Variants in MFHAS1 observed in about 807,000 individuals in gnomAD.
MFHAS1 encodes the protein malignant fibrous histiocytoma-amplified sequence 1.
In MFHAS1, 50 loss-of-function variants were observed where a neutral mutation model predicts 70.4. The ratio of observed to expected loss-of-function variants is 0.71; its 90% CI spans 0.57 to 0.90. The LOEUF is 0.90. MFHAS1 is among the 40% of genes least tolerant of loss of function. The probability of loss-of-function intolerance (pLI) is 0.00; values close to 1 mark genes in which losing one functional copy is unlikely to be tolerated. For synonymous variants in MFHAS1, 952 were observed against 620.0 expected, an observed-to-expected ratio of 1.54 and a Z score of -7.96; for missense variants, 1,795 against 1,347.6, an observed-to-expected ratio of 1.33 and a Z score of -5.20.
At chr8:8,882,801 G>T (rs115598126) in intron 1 of MFHAS1, among the ~76,000 whole-genome samples, 297 of 152,214 alleles carry the variant, frequency 2.0e-3, no homozygotes, top group African/African-American at 6.2e-3. Flanking sequence ...AAGGCTGCCA[G>T]CCCCCAGAAG....
intron 1 of MFHAS1, among the ~76,000 whole-genome samples, chr8:8,843,542 CTG>C (rs1563200322): frequency 6.6e-6 from 1 of 152,190 alleles, no homozygotes. Flanking sequence ...GATCATGCCA[CTG>C]CATGCCAGCC....
intron 1 of MFHAS1, among the ~76,000 whole-genome samples, chr8:8,874,371 C>T (rs398046973): frequency 7.9e-6 from 1 of 127,014 alleles, no homozygotes. Context: ...CACACACACA[C>T]ACATAATAAT....
intron 1 of MFHAS1, among the ~76,000 whole-genome samples, chr8:8,887,592 T>A (rs1809816768): frequency 6.7e-6 from 1 of 150,362 alleles, no homozygotes; most frequent in South Asian, 2.1e-4. Context: ...TATATGTATA[T>A]ATTTTATAAT....
At chr8:8,839,793 T>C (rs1301780787) in intron 1 of MFHAS1, among the ~76,000 whole-genome samples, 1 of 152,214 alleles carries the variant, frequency 6.6e-6, no homozygotes, top group East Asian at 1.9e-4. Flanking sequence ...AACGGTCACC[T>C]GGCTGAATCC....
rs775426760 is a variant in MFHAS1 at position 8,892,483 on chromosome 8, C to G, written c.576G>C (p.Gln192His). 3 of 1,606,822 alleles carry G rather than the reference C, an allele frequency of 1.9e-6. No individual in the cohort carries two copies. Among genetic ancestry groups the G allele is most frequent in the Non-Finnish European group, 2.5e-6 (3 of 1,176,700 alleles). The change falls in exon 1 of 3, where the codon CAG (glutamine) becomes CAC (histidine). Residue 192 changes from glutamine to histidine, a missense_variant. Transcript: ENST00000276282. This position sits in a 1 kb window ranked among gnomAD's most constrained non-coding sequence, Gnocchi z 4.7. ...GCAGCTGCCGGGGGAAGGCAGTGAG[C>G]TGGTTGTGATCCACGTCCAGGGTGC... Reference protein sequence around the residue: ...RLRTLDVDHNQLTAFPRQLLQ... With the variant: ...RLRTLDVDHNHLTAFPRQLLQ...
Position 8,890,700 on chromosome 8 carries a change from G to A in MFHAS1, c.2359C>T (p.Gln787Ter). Residue 787 changes from glutamine (Q) to a stop codon, truncating the protein, a stop_gained, in exon 1 of 3, where the codon CAG becomes TAG. Transcript: ENST00000276282. LOFTEE classifies it high-confidence loss of function. ...TGCAACAGAAAGCCCTCCACATACT[G>A]ATGGAGCTGGGTGGCCCGGAGCAGT... ...QELLRATQLHQYVEGFLLHGL... is the reference protein window; with the variant it reads ...QELLRATQLH 6.2e-7 allele frequency: 1 copy of A among 1,613,654 alleles called. No homozygotes were observed. The highest frequency in any genetic ancestry group is 8.5e-7 in the Non-Finnish European group (1 of 1,179,734).
At chr8:8,848,004 G>T (rs1808097189) in intron 1 of MFHAS1, among the ~76,000 whole-genome samples, 1 of 152,318 alleles carries the variant, frequency 6.6e-6, no homozygotes, top group South Asian at 2.1e-4. Flanking sequence ...CCTGTTAGGG[G>T]ATATTTTCCC....
At chr8:8,879,497 A>C (rs943922558) in intron 1 of MFHAS1, among the ~76,000 whole-genome samples, 1 of 152,202 alleles carries the variant, frequency 6.6e-6, no homozygotes, top group African/African-American at 2.4e-5. Context: ...ATTTCTCGCA[A>C]ACAAGTAATC....
chr8:8,827,848 G>A (rs538321964), intron 1 of MFHAS1, among the ~76,000 whole-genome samples: 11 of 152,050 alleles, frequency 7.2e-5, no homozygotes, highest in South Asian at 2.1e-4. Flanking sequence ...CTCATGTTTC[G>A]TCTAATAATT....
intron 1 of MFHAS1, among the ~76,000 whole-genome samples, chr8:8,865,210 G>C (rs902664483): frequency 3.4e-5 from 5 of 147,060 alleles, no homozygotes; most frequent in Non-Finnish European, 7.4e-5. Flanking sequence ...CCAGGAGCTG[G>C]AGGTTGCAGT....
At chr8:8,790,437 A>C in intron 2 of MFHAS1, 1 of 942,108 alleles carries the variant, frequency 1.1e-6, no homozygotes, top group Non-Finnish European at 1.3e-6. Context: ...GAAGATACCT[A>C]AGCAGAGAGG....
At chr8:8,827,904 T>C (rs1329201060) in intron 1 of MFHAS1, among the ~76,000 whole-genome samples, 2 of 151,864 alleles carry the variant, frequency 1.3e-5, no homozygotes, top group African/African-American at 2.4e-5. Context: ...ACAATTTAAT[T>C]TCTTTTTTTT....
At chr8:8,795,997 C>A (rs766064843) in intron 2 of MFHAS1, among the ~76,000 whole-genome samples, 3 of 152,124 alleles carry the variant, frequency 2.0e-5, no homozygotes, top group Non-Finnish European at 4.4e-5. Flanking sequence ...TGAGATCTGA[C>A]CCAAGAAGAT....
intron 1 of MFHAS1, among the ~76,000 whole-genome samples, chr8:8,850,974 T>C (rs1808229124): frequency 6.6e-6 from 1 of 152,140 alleles, no homozygotes; most frequent in African/African-American, 2.4e-5. Context: ...TAGCTCCATC[T>C]GTGGTTTTAC....
intron 1 of MFHAS1, among the ~76,000 whole-genome samples, chr8:8,829,193 C>A (rs777839678): frequency 6.6e-6 from 1 of 151,760 alleles, no homozygotes; most frequent in Non-Finnish European, 1.5e-5. Flanking sequence ...GGGTGCGGAG[C>A]GCCCTCCCAG....
At chr8:8,810,988 G>T (rs1425189737) in intron 1 of MFHAS1, among the ~76,000 whole-genome samples, 17 of 152,142 alleles carry the variant, frequency 1.1e-4, no homozygotes, top group Admixed American at 1.1e-3. Context: ...CGGACCCACA[G>T]CACCTCAAGG....
intron 1 of MFHAS1, among the ~76,000 whole-genome samples, chr8:8,804,944 G>A (rs943032678): frequency 1.3e-5 from 2 of 152,160 alleles, no homozygotes; most frequent in African/African-American, 4.8e-5. Flanking sequence ...ATTACATAAA[G>A]CTTTGTTAAA....
chr8:8,795,416 G>C (rs1457638729), intron 2 of MFHAS1, among the ~76,000 whole-genome samples: 1 of 152,184 alleles, frequency 6.6e-6, no homozygotes, highest in African/African-American at 2.4e-5. Context: ...ACTTTTAACA[G>C]TTATTCTGTA....
chr8:8,856,421 A>C (rs1430800496), intron 1 of MFHAS1, among the ~76,000 whole-genome samples: 1 of 152,222 alleles, frequency 6.6e-6, no homozygotes, highest in Non-Finnish European at 1.5e-5. Flanking sequence ...AAAAGAAAAG[A>C]AGCAAGGGAG....
Sources: allele counts gnomAD v4.1 joint callset (sites outside exome capture counted in the v4.1 genomes callset), GRCh38; gene constraint gnomAD v4.1.1; non-coding constraint Gnocchi (gnomAD v3.1); transcripts MANE v1.5; gene names NCBI Gene and HGNC (gene_info 2026-07-23, HGNC 2026-07-21).